Variants in CDH4 observed in about 807,000 individuals in gnomAD.
CDH4 encodes the protein cadherin-4.
In CDH4, 33 loss-of-function variants were observed where a neutral mutation model predicts 86.0. That is an observed-to-expected ratio of 0.38 (90% CI 0.29 to 0.51). The LOEUF is 0.51. Ranked by LOEUF, CDH4 falls within the 20% of genes least tolerant of loss-of-function variation. CDH4 has a pLI of 0.86. For synonymous variants in CDH4, 555 were observed against 549.4 expected, an observed-to-expected ratio of 1.01 and a Z score of -0.14; for missense variants, 1,114 against 1,307.4, an observed-to-expected ratio of 0.85 and a Z score of 2.28.
At chr20:61,391,488 C>G (rs966089150) in intron 2 of CDH4, among the ~76,000 whole-genome samples, 1 of 152,188 alleles carries the variant, frequency 6.6e-6, no homozygotes, top group African/African-American at 2.4e-5. Context: ...CAGGGCTAGA[C>G]ACATGCCCCA....
At chr20:61,738,035 G>A (rs913163769) in intron 2 of CDH4, among the ~76,000 whole-genome samples, 1 of 152,176 alleles carries the variant, frequency 6.6e-6, no homozygotes, top group Admixed American at 6.5e-5. Context: ...TGGCTCTGGT[G>A]TGAGGACAGC....
intron 6 of CDH4, among the ~76,000 whole-genome samples, chr20:61,856,967 C>G (rs974691011): frequency 2.0e-5 from 3 of 151,910 alleles, no homozygotes; most frequent in African/African-American, 7.2e-5. Flanking sequence ...CTCCTTTCTC[C>G]TCCAAGAGAT....
At chr20:61,590,880 G>GA (rs936906367) in intron 2 of CDH4, among the ~76,000 whole-genome samples, 1 of 139,646 alleles carries the variant, frequency 7.2e-6, no homozygotes, top group African/African-American at 2.8e-5. Context: ...AATCTATGGG[G>GA]GGGGGGGTCC....
chr20:61,804,136 C>T, intron 4 of CDH4, among the ~76,000 whole-genome samples: 1 of 152,244 alleles, frequency 6.6e-6, no homozygotes, highest in East Asian at 1.9e-4. Context: ...GTGGTGGAAA[C>T]AGCAGTTTGC....
intron 7 of CDH4, among the ~76,000 whole-genome samples, chr20:61,883,376 G>A (rs375522192): frequency 1.1e-4 from 17 of 152,174 alleles, no homozygotes; most frequent in African/African-American, 4.1e-4. Context: ...CGTCTTTCTT[G>A]GGACACTGGG....
chr20:61,421,857 A>G (rs1180406306), intron 2 of CDH4, among the ~76,000 whole-genome samples: 1 of 152,132 alleles, frequency 6.6e-6, no homozygotes, highest in Non-Finnish European at 1.5e-5. Flanking sequence ...ATCGAGTTCT[A>G]ACTCAACCCA....
chr20:61,275,250 CGT>C (rs2084222333), intron 2 of CDH4, among the ~76,000 whole-genome samples: 1 of 96,874 alleles, frequency 1.0e-5, no homozygotes, highest in African/African-American at 4.3e-5. Context: ...GGGGGAATAC[CGT>C]GTGCAGTTTG....
chr20:61,543,335 C>T (rs548479642), intron 2 of CDH4, among the ~76,000 whole-genome samples: 7 of 152,268 alleles, frequency 4.6e-5, no homozygotes, highest in Middle Eastern at 3.4e-3. Flanking sequence ...GGAGTTGGAA[C>T]GGAGCAATGG....
intron 4 of CDH4, among the ~76,000 whole-genome samples, chr20:61,828,238 A>G (rs1285645134): frequency 6.6e-6 from 1 of 152,194 alleles, no homozygotes; most frequent in Non-Finnish European, 1.5e-5. Flanking sequence ...AGAGACCAAG[A>G]AAAAGAGAGA....
intron 2 of CDH4, among the ~76,000 whole-genome samples, chr20:61,404,223 A>G (rs1274784177): frequency 2.0e-5 from 3 of 151,988 alleles, no homozygotes; most frequent in East Asian, 3.9e-4. Context: ...TCTCCTTGCT[A>G]AGGACAAGAT....
At chr20:61,555,772 A>G (rs1568890803) in intron 2 of CDH4, among the ~76,000 whole-genome samples, 1 of 152,220 alleles carries the variant, frequency 6.6e-6, no homozygotes, top group Admixed American at 6.5e-5. Flanking sequence ...TAAATCACAC[A>G]TAATGTTCAT....
chr20:61,577,461 A>G (rs2086391002), intron 2 of CDH4, among the ~76,000 whole-genome samples: 1 of 152,154 alleles, frequency 6.6e-6, no homozygotes, highest in Non-Finnish European at 1.5e-5. Context: ...AGATGATTGT[A>G]TCTTTTGTGT....
rs188943454 is a variant in CDH4, at chr20:61,351,107, C to T, written c.169+96170C>T. On this transcript the variant is annotated intron_variant, in intron 2 of 15. Coordinates refer to ENST00000614565, the MANE Select transcript of CDH4 (RefSeq NM_001794.5). ...TCCCCGGGCAGCCCGTGCTCAAGGCCTGCTGTCCTCCGTGCTTTCAGATGC... is the reference window on the plus strand; with the variant it reads ...TCCCCGGGCAGCCCGTGCTCAAGGCTTGCTGTCCTCCGTGCTTTCAGATGC... Among the ~76,000 whole-genome samples, 8 of 152,298 alleles carry T rather than the reference C, an allele frequency of 5.3e-5. No individual in the cohort carries two copies. In the East Asian group the frequency reaches 1.5e-3, roughly 29 times the overall value.
At chr20:61,547,416 A>G (rs191227067) in intron 2 of CDH4, among the ~76,000 whole-genome samples, 169 of 151,580 alleles carry the variant, frequency 1.1e-3, no homozygotes, top group African/African-American at 3.5e-3. Context: ...GGGTTTCACT[A>G]CATTAGCCAG....
chr20:61,326,255 G>A (rs2084536491), intron 2 of CDH4, among the ~76,000 whole-genome samples: 1 of 152,156 alleles, frequency 6.6e-6, no homozygotes, highest in Non-Finnish European at 1.5e-5. Flanking sequence ...GCTCATACTA[G>A]GTTTTGTGAA....
intron 2 of CDH4, among the ~76,000 whole-genome samples, chr20:61,580,892 G>A (rs574289351): frequency 2.0e-5 from 3 of 152,328 alleles, no homozygotes; most frequent in Non-Finnish European, 4.4e-5. Context: ...CCGAGGCCTT[G>A]CAAGTCCCAC....
intron 2 of CDH4, among the ~76,000 whole-genome samples, chr20:61,597,469 C>A (rs915017052): frequency 6.6e-6 from 1 of 152,250 alleles, no homozygotes; most frequent in African/African-American, 2.4e-5. Flanking sequence ...TCCACCTTCC[C>A]CAGTACAGAT....
intron 2 of CDH4, among the ~76,000 whole-genome samples, chr20:61,525,060 G>T (rs568149977): frequency 2.0e-5 from 3 of 152,324 alleles, no homozygotes; most frequent in South Asian, 4.1e-4. Context: ...TGCGGGGCGG[G>T]TCATCTTCTG....
At chr20:61,256,513 C>G (rs751306214) in intron 2 of CDH4, among the ~76,000 whole-genome samples, 7 of 152,184 alleles carry the variant, frequency 4.6e-5, no homozygotes, top group Non-Finnish European at 1.0e-4. Context: ...TCCAGTGGTC[C>G]AGGCCAAACC....
Sources: allele counts gnomAD v4.1 joint callset (sites outside exome capture counted in the v4.1 genomes callset), GRCh38; gene constraint gnomAD v4.1.1; transcripts MANE v1.5; gene names NCBI Gene and HGNC (gene_info 2026-07-23, HGNC 2026-07-21).